The following PREX2 variants were observed in gnomAD, a reference collection of about 807,000 sequenced individuals.
The protein encoded by PREX2 is phosphatidylinositol 3,4,5-trisphosphate-dependent Rac exchanger 2 protein.
Under a neutral mutation model 203.2 loss-of-function variants are expected in PREX2, and 107 were observed. That is an observed-to-expected ratio of 0.53 (90% CI 0.45 to 0.62). The LOEUF (loss-of-function observed/expected upper bound fraction) is 0.62. Ranked by LOEUF, PREX2 falls within the 20% of genes least tolerant of loss-of-function variation. The pLI is 0.00. For missense variants in PREX2, 1,777 were observed against 1,955.9 expected, an observed-to-expected ratio of 0.91 and a Z score of 1.72; for synonymous variants, 672 against 663.6, an observed-to-expected ratio of 1.01 and a Z score of -0.19.
chr8:68,020,604 C>CA (rs1391523260), intron 3 of PREX2, among the ~76,000 whole-genome samples: 5 of 152,070 alleles, frequency 3.3e-5, no homozygotes, highest in African/African-American at 1.2e-4. Flanking sequence ...GAAAATATTT[C>CA]AAAAAATAAT....
chr8:68,226,304 A>T (rs1027936993), intron 39 of PREX2, among the ~76,000 whole-genome samples: 1 of 152,210 alleles, frequency 6.6e-6, no homozygotes, highest in Non-Finnish European at 1.5e-5. Context: ...AATTAAAAAG[A>T]TGAGGTGAAG....
chr8:68,151,223 C>G (rs935476967), intron 34 of PREX2, among the ~76,000 whole-genome samples: 5 of 151,928 alleles, frequency 3.3e-5, no homozygotes, highest in African/African-American at 1.2e-4. Context: ...GAACTTGAGA[C>G]CAGCCTGGGC....
intron 38 of PREX2, among the ~76,000 whole-genome samples, chr8:68,223,731 G>T (rs1813002549): frequency 6.6e-6 from 1 of 152,132 alleles, no homozygotes; most frequent in Non-Finnish European, 1.5e-5. Context: ...AGACTGTGAA[G>T]AATTTTTCAT....
intron 8 of PREX2, among the ~76,000 whole-genome samples, chr8:68,046,450 A>G (rs749984386): frequency 2.0e-5 from 3 of 152,068 alleles, no homozygotes; most frequent in Non-Finnish European, 4.4e-5. Context: ...AATTGCACAG[A>G]TGGTTCTTGG....
chr8:67,974,887 G>T (rs1299221065), intron 1 of PREX2, among the ~76,000 whole-genome samples: 1 of 152,160 alleles, frequency 6.6e-6, no homozygotes, highest in Non-Finnish European at 1.5e-5. Context: ...TTAGTTGTAA[G>T]ACCATGTAGG....
At chr8:68,042,737 A>C (rs1361279663) in intron 7 of PREX2, among the ~76,000 whole-genome samples, 1 of 152,078 alleles carries the variant, frequency 6.6e-6, no homozygotes, top group Non-Finnish European at 1.5e-5. Context: ...TTCAGTCTTT[A>C]AGCTTCAGTA....
intron 10 of PREX2, among the ~76,000 whole-genome samples, chr8:68,059,011 A>G (rs766800110): frequency 6.6e-6 from 1 of 152,168 alleles, no homozygotes; most frequent in Non-Finnish European, 1.5e-5. Context: ...TTTCTGCCTT[A>G]AAGTATTTTT....
intron 1 of PREX2, among the ~76,000 whole-genome samples, chr8:67,986,309 AC>A (rs1806421811): frequency 6.6e-6 from 1 of 151,850 alleles, no homozygotes; most frequent in South Asian, 2.1e-4. Context: ...TCCCAGAATC[AC>A]CCAGCTCGGA....
At position 68,095,303 on chromosome 8, in the gene PREX2, C is replaced by G. The variant is rs575319678; in HGVS notation, c.2368+1581C>G. Among the ~76,000 whole-genome samples the G allele has an allele frequency of 8.5e-5, 13 of 152,222 alleles. No individual in the cohort carries two copies. The East Asian group carries it at 2.5e-3, about 29-fold the overall frequency. On this transcript the variant is annotated intron_variant, in intron 21 of 39. Transcript: ENST00000288368. Reference sequence around the variant, plus strand: ...GGGGTGGGTCTGAAAGCTCCTACCCCCTAATCGCATGGTTGGTTCCCCTGA... The same window carrying G: ...GGGGTGGGTCTGAAAGCTCCTACCCGCTAATCGCATGGTTGGTTCCCCTGA...
chr8:68,106,292 A>T (rs775924388), intron 23 of PREX2: 1 of 508,104 alleles, frequency 2.0e-6, no homozygotes, highest in African/African-American at 1.9e-5. Context: ...CTTTTGACTG[A>T]AAGTTTTTTG....
intron 1 of PREX2, among the ~76,000 whole-genome samples, chr8:67,977,130 T>C (rs564314907): frequency 1.6e-3 from 250 of 152,262 alleles, no homozygotes; most frequent in Middle Eastern, 0.01. Flanking sequence ...TGGGAAGCCA[T>C]TGGGTCATGA....
chr8:68,003,707 G>A (rs1003755120), intron 1 of PREX2, among the ~76,000 whole-genome samples: 3 of 152,178 alleles, frequency 2.0e-5, no homozygotes, highest in Non-Finnish European at 2.9e-5. Flanking sequence ...TAACGTTAAA[G>A]AGAAGAGAAT....
intron 1 of PREX2, among the ~76,000 whole-genome samples, chr8:67,992,712 A>G (rs185099017): frequency 6.6e-6 from 1 of 152,364 alleles, no homozygotes; most frequent in Admixed American, 6.5e-5. Flanking sequence ...ACTGTGACTT[A>G]GAAGCAGCCA....
chr8:68,197,195 G>A (rs1474845821), intron 37 of PREX2, among the ~76,000 whole-genome samples: 2 of 151,962 alleles, frequency 1.3e-5, no homozygotes, highest in South Asian at 2.1e-4. Context: ...CCTCTGATAC[G>A]GTTTGGCTCT....
At chr8:68,022,188 T>C (rs1182262854) in intron 4 of PREX2, 48 bp downstream of exon 4, 1 of 936,180 alleles carries the variant, frequency 1.1e-6, no homozygotes, top group Non-Finnish European at 1.8e-6. Flanking sequence ...TGTTGCTAGA[T>C]CCAGTGAGAG....
At chr8:67,974,227 T>A (rs1296848277) in intron 1 of PREX2, among the ~76,000 whole-genome samples, 1 of 152,176 alleles carries the variant, frequency 6.6e-6, no homozygotes, top group Admixed American at 6.5e-5. Context: ...TGAAAGCTTT[T>A]CTTTCAGTGG....
intron 17 of PREX2, chr8:68,082,750 T>C (rs28405633): frequency 0.18 from 27,060 of 154,518 alleles, 2,417 homozygotes; most frequent in East Asian, 0.29. Flanking sequence ...TCTATGCTGG[T>C]TGGAGCTCTC....
intron 37 of PREX2, among the ~76,000 whole-genome samples, chr8:68,205,002 A>C (rs978371649): frequency 1.3e-4 from 19 of 151,820 alleles, no homozygotes; most frequent in Non-Finnish European, 2.4e-4. Context: ...CTTTTAAGCT[A>C]CTCGGAAACC....
intron 7 of PREX2, among the ~76,000 whole-genome samples, chr8:68,041,266 G>A (rs745590917): frequency 3.3e-5 from 5 of 152,064 alleles, no homozygotes; most frequent in African/African-American, 1.2e-4. Flanking sequence ...ACACAAAACC[G>A]ATTGATTTAT....
Sources: gnomAD v4.1 joint callset for allele counts (sites outside exome capture counted in the v4.1 genomes callset) on GRCh38, gnomAD v4.1.1 for gene constraint, MANE v1.5 for transcripts, NCBI Gene and HGNC (gene_info 2026-07-23, HGNC 2026-07-21) for gene names.